Variants in BET1 observed in about 807,000 individuals in gnomAD.
BET1 encodes BET1 homolog.
A neutral mutation model predicts 13.9 loss-of-function variants in BET1; 9 were observed. That is an observed-to-expected ratio of 0.65 (90% CI 0.39 to 1.13). The LOEUF (loss-of-function observed/expected upper bound fraction) is 1.13, where lower values mean the gene tolerates loss of function less well. BET1 is among the 50% of genes most tolerant of loss of function. BET1 has a pLI of 0.01. For missense variants in BET1, 127 were observed against 133.6 expected (o/e 0.95, Z 0.24); for synonymous variants, 39 against 47.3 (o/e 0.82, Z 0.72).
chr7:93,962,927 C>A (rs1000090132), exon 7 of BET1: 1 of 152,036 alleles, frequency 6.6e-6, no homozygotes, highest in Non-Finnish European at 1.5e-5. Flanking sequence ...ACATTAGACT[C>A]TTTAACTATT....
At chr7:94,003,732 C>T (rs190817398) in intron 1 of BET1, among the ~76,000 whole-genome samples, 1 of 152,306 alleles carries the variant, frequency 6.6e-6, no homozygotes, top group Admixed American at 6.5e-5. Context: ...ATGACACATA[C>T]ATTTACCTTT....
chr7:93,972,840 T>C (rs901894320), intron 5 of BET1, among the ~76,000 whole-genome samples: 1 of 151,550 alleles, frequency 6.6e-6, no homozygotes, highest in Non-Finnish European at 1.5e-5. Flanking sequence ...GCATCACTCG[T>C]ATCTTTTTTT....
chr7:93,987,935 G>C (rs1795557003), intron 4 of BET1, among the ~76,000 whole-genome samples: 1 of 152,084 alleles, frequency 6.6e-6, no homozygotes, highest in Non-Finnish European at 1.5e-5. Context: ...TTTTAATTTA[G>C]CAATAATTTT....
At chr7:93,995,111 G>A (rs1400851574) in intron 3 of BET1, among the ~76,000 whole-genome samples, 4 of 152,206 alleles carry the variant, frequency 2.6e-5, no homozygotes, top group Non-Finnish European at 5.9e-5. Context: ...CTCCCAAAAT[G>A]TTGGGAGTAT....
intron 4 of BET1, among the ~76,000 whole-genome samples, chr7:93,983,567 G>C (rs1001448443): frequency 6.6e-6 from 1 of 152,102 alleles, no homozygotes; most frequent in East Asian, 1.9e-4. Context: ...GATGAGCCAT[G>C]ACTCTGTACA....
chr7:93,973,754 A>G (rs558150754), intron 5 of BET1, among the ~76,000 whole-genome samples: 22 of 152,148 alleles, frequency 1.4e-4, no homozygotes, highest in African/African-American at 5.1e-4. Context: ...GACACTGCAT[A>G]CAAATACTGA....
chr7:93,973,933 A>G (rs1435601579), intron 5 of BET1, among the ~76,000 whole-genome samples: 1 of 152,082 alleles, frequency 6.6e-6, no homozygotes, highest in African/African-American at 2.4e-5. Flanking sequence ...TTGATTGAAT[A>G]GTATGAGGCT....
chr7:93,974,506 A>G (rs1455097982), intron 5 of BET1, among the ~76,000 whole-genome samples: 1 of 152,026 alleles, frequency 6.6e-6, no homozygotes, highest in Non-Finnish European at 1.5e-5. Flanking sequence ...AGGGCACAGG[A>G]GCCAAATGGA....
rs929267429 is a variant in BET1 at position 93,993,960 on chromosome 7, T to C, written c.*270A>G. 9.1e-6 allele frequency: 14 copies of C among 1,533,356 alleles called. No individual in the cohort carries two copies. In the Admixed American group the frequency reaches 2.6e-4, roughly 28 times the overall value. The allele number at this position is 1,533,356 out of a possible 1,614,324, so 95.0% of individuals were successfully genotyped here. On this transcript the variant is annotated 3_prime_UTR_variant, in exon 4 of 4. Coordinates refer to ENST00000222547, the MANE Select transcript of BET1 (RefSeq NM_005868.6). ...ATTATAATGCTATTTAATCTGACAG[T>C]TGGCAAACAATAGAAAAACAAACTG... is the stretch of plus-strand genomic sequence containing the variant.
At chr7:93,995,743 T>G (rs1361366853) in intron 3 of BET1, among the ~76,000 whole-genome samples, 1 of 152,144 alleles carries the variant, frequency 6.6e-6, no homozygotes, top group Non-Finnish European at 1.5e-5. Flanking sequence ...AGCTTGACAT[T>G]CAAGATAAAC....
chr7:93,992,310 T>G (rs751631473), downstream of BET1: 60 of 985,046 alleles, frequency 6.1e-5, no homozygotes, highest in Non-Finnish European at 6.6e-5. Context: ...ACATTAAAAT[T>G]TTTAAATATT....
intron 1 of BET1, 22 bp downstream of exon 1, chr7:94,004,176 C>A (rs1260580649): frequency 6.2e-7 from 1 of 1,613,960 alleles, no homozygotes; most frequent in East Asian, 2.2e-5. Context: ...CCCCGAACTT[C>A]GAACCTCAGC....
intron 3 of BET1, among the ~76,000 whole-genome samples, chr7:93,994,820 G>T (rs1425779890): frequency 2.0e-5 from 3 of 152,198 alleles, no homozygotes; most frequent in Non-Finnish European, 4.4e-5. Flanking sequence ...ATGTAATACG[G>T]TTAGCAGTTA....
intron 5 of BET1, among the ~76,000 whole-genome samples, chr7:93,974,278 C>A (rs980612707): frequency 6.6e-6 from 1 of 151,898 alleles, no homozygotes; most frequent in Non-Finnish European, 1.5e-5. Context: ...AAACCATGTT[C>A]ACTGACAGGT....
intron 4 of BET1, among the ~76,000 whole-genome samples, chr7:93,979,244 G>A (rs970383459): frequency 6.6e-6 from 1 of 152,114 alleles, no homozygotes; most frequent in Non-Finnish European, 1.5e-5. Context: ...AGGAAGGATT[G>A]TCTGGATGCT....
At chr7:93,987,096 A>G (rs1795541129) in intron 4 of BET1, 1 of 152,158 alleles carries the variant, frequency 6.6e-6, no homozygotes, top group African/African-American at 2.4e-5. Flanking sequence ...CATAGAAAAA[A>G]AAAAAAGGGT....
At chr7:93,963,659 A>G (rs1205756599) in exon 7 of BET1, 1 of 152,080 alleles carries the variant, frequency 6.6e-6, no homozygotes, top group African/African-American at 2.4e-5. Flanking sequence ...ATTTTTGTTC[A>G]TTTAAGTTCC....
At chr7:93,972,010 C>T (rs1196941932) in intron 6 of BET1, among the ~76,000 whole-genome samples, 1 of 150,416 alleles carries the variant, frequency 6.6e-6, no homozygotes, top group Non-Finnish European at 1.5e-5. Context: ...TTTATTTTTT[C>T]TTAAAAAGGG....
chr7:94,003,448 G>A (rs1443268232), intron 1 of BET1, among the ~76,000 whole-genome samples: 1 of 143,270 alleles, frequency 7.0e-6, no homozygotes, highest in African/African-American at 3.0e-5. Context: ...CTAATTTAGC[G>A]GGGTCTTCTT....
Sources: allele counts gnomAD v4.1 joint callset (sites outside exome capture counted in the v4.1 genomes callset), GRCh38; gene constraint gnomAD v4.1.1; transcripts MANE v1.5; gene names NCBI Gene and HGNC (gene_info 2026-07-23, HGNC 2026-07-21).